Variants in MDGA2 observed in about 807,000 individuals in gnomAD.
The protein encoded by MDGA2 is MAM domain-containing glycosylphosphatidylinositol anchor protein 2.
Under a neutral mutation model 117.8 loss-of-function variants are expected in MDGA2, and 40 were observed. That is an observed-to-expected ratio of 0.34 (90% CI 0.26 to 0.44). The LOEUF (loss-of-function observed/expected upper bound fraction) is 0.44, where lower values mean the gene tolerates loss of function less well. Ranked by LOEUF, MDGA2 falls within the 20% of genes least tolerant of loss-of-function variation. The pLI is 1.00. For synonymous variants in MDGA2, 452 were observed against 439.0 expected, an observed-to-expected ratio of 1.03 and a Z score of -0.37; for missense variants, 1,123 against 1,250.6, an observed-to-expected ratio of 0.90 and a Z score of 1.54.
At chr14:47,614,435 T>C (rs4900788) in intron 1 of MDGA2, among the ~76,000 whole-genome samples, 104,887 of 151,966 alleles carry the variant, frequency 0.69, 36,833 homozygotes, top group East Asian at 1. Context: ...ATGCATTTCA[T>C]TCAGTTTTAT....
chr14:46,858,389 A>T (rs189584198), intron 14 of MDGA2, among the ~76,000 whole-genome samples: 12 of 146,004 alleles, frequency 8.2e-5, no homozygotes, highest in Non-Finnish European at 9.1e-5. Context: ...GAACACATTT[A>T]TAATACTTTT....
At chr14:47,615,610 CAGTT>C (rs1440021332) in intron 1 of MDGA2, among the ~76,000 whole-genome samples, 1 of 152,126 alleles carries the variant, frequency 6.6e-6, no homozygotes, top group Non-Finnish European at 1.5e-5. Flanking sequence ...TGAATTAGGT[CAGTT>C]AGACAGAGGA....
rs10536485 is a variant in MDGA2 at position 47,342,256 on chromosome 14, TTATATATA to T, written c.281-40714_281-40707del. The stretch of plus-strand genomic sequence containing the variant: ...AAAATTTATGTCCAGCACAAAATGT[TTATATATA>T]TATATATATATATATATAAAATATG... On this transcript the variant is annotated intron_variant, in intron 1 of 16. Transcript: ENST00000399232. 3.6e-3 allele frequency among the ~76,000 whole-genome samples: 489 copies of T among 134,062 alleles called. 2 individuals are homozygous for T. Among genetic ancestry groups the T allele is most frequent in the Admixed American group, 5.2e-3 (72 of 13,828 alleles). The allele number at this position is 134,062 out of a possible 152,430, so 87.9% of individuals were successfully genotyped here. A position where few individuals can be genotyped will look rare whatever the true frequency, so the allele number is the denominator to read the frequency against.
intron 3 of MDGA2, among the ~76,000 whole-genome samples, chr14:47,199,641 A>G (rs1253672055): frequency 6.6e-6 from 1 of 152,174 alleles, no homozygotes; most frequent in Non-Finnish European, 1.5e-5. Flanking sequence ...TATCATACTC[A>G]AAGAAAAACA....
intron 3 of MDGA2, among the ~76,000 whole-genome samples, chr14:47,210,577 G>GT (rs920582581): frequency 3.3e-5 from 5 of 151,758 alleles, no homozygotes; most frequent in Non-Finnish European, 5.9e-5. Flanking sequence ...CTATGAAACC[G>GT]TTTTTTTTCC....
intron 10 of MDGA2, among the ~76,000 whole-genome samples, chr14:46,887,836 C>A (rs926168572): frequency 6.6e-6 from 1 of 151,766 alleles, no homozygotes; most frequent in Admixed American, 6.6e-5. Context: ...AATTTAAACA[C>A]ACAAAAATAT....
At chr14:47,426,606 A>T (rs1892694864) in intron 1 of MDGA2, among the ~76,000 whole-genome samples, 1 of 150,858 alleles carries the variant, frequency 6.6e-6, no homozygotes, top group Non-Finnish European at 1.5e-5. Flanking sequence ...ATGCAGATTA[A>T]TATTTTGTAA....
chr14:47,388,337 G>C (rs1891807151), intron 1 of MDGA2, among the ~76,000 whole-genome samples: 1 of 151,986 alleles, frequency 6.6e-6, no homozygotes, highest in African/African-American at 2.4e-5. Flanking sequence ...GAAGTAAACT[G>C]AATCCTCGGA....
At chr14:47,674,309 G>A (rs764513881) in intron 1 of MDGA2, among the ~76,000 whole-genome samples, 15 of 152,188 alleles carry the variant, frequency 9.9e-5, no homozygotes, top group Admixed American at 5.2e-4. Flanking sequence ...ACCCAACTCC[G>A]AGCCAGAGCC....
At chr14:46,904,341 G>C (rs1052374951) in intron 10 of MDGA2, among the ~76,000 whole-genome samples, 6 of 146,760 alleles carry the variant, frequency 4.1e-5, no homozygotes, top group African/African-American at 1.5e-4. Flanking sequence ...CTGTGAGAGA[G>C]AGGGAGACTC....
At chr14:47,038,949 C>CAA (rs57534737) in intron 7 of MDGA2, among the ~76,000 whole-genome samples, 8 of 112,824 alleles carry the variant, frequency 7.1e-5, no homozygotes, top group African/African-American at 2.3e-4. Flanking sequence ...GACTCCATCT[C>CAA]AAAAAAAAAA....
At chr14:46,926,407 A>G (rs1390477613) in intron 9 of MDGA2, among the ~76,000 whole-genome samples, 1 of 140,256 alleles carries the variant, frequency 7.1e-6, no homozygotes, top group Non-Finnish European at 1.5e-5. Context: ...TTAAACGCCA[A>G]TGATGCACTG....
intron 3 of MDGA2, among the ~76,000 whole-genome samples, chr14:47,167,682 A>C (rs1011927784): frequency 6.6e-6 from 1 of 152,192 alleles, no homozygotes; most frequent in Non-Finnish European, 1.5e-5. Flanking sequence ...TACACATGGA[A>C]AACATCTCAG....
At chr14:46,875,348 G>T (rs1309215161) in intron 12 of MDGA2, among the ~76,000 whole-genome samples, 2 of 151,510 alleles carry the variant, frequency 1.3e-5, no homozygotes, top group Non-Finnish European at 3.0e-5. Flanking sequence ...AAAACAGAAG[G>T]CTTTTCCTTT....
intron 1 of MDGA2, among the ~76,000 whole-genome samples, chr14:47,458,717 G>T (rs948938558): frequency 6.6e-6 from 1 of 152,050 alleles, no homozygotes; most frequent in Admixed American, 6.6e-5. Context: ...CAGCTAGGTT[G>T]TGGTAATTAT....
chr14:47,098,621 T>C (rs1194059351), intron 5 of MDGA2, among the ~76,000 whole-genome samples: 5 of 151,894 alleles, frequency 3.3e-5, no homozygotes, highest in Non-Finnish European at 7.4e-5. Flanking sequence ...TACTTAATTA[T>C]TAATATATCA....
chr14:46,864,550 T>TTTTTG (rs1219019900), intron 14 of MDGA2, among the ~76,000 whole-genome samples: 4 of 34,920 alleles, frequency 1.1e-4, no homozygotes, highest in African/African-American at 8.0e-4. Context: ...TTGCTGTTTT[T>TTTTTG]TTTTTTTTTT....
intron 1 of MDGA2, among the ~76,000 whole-genome samples, chr14:47,629,638 G>C (rs1897217277): frequency 6.6e-6 from 1 of 152,128 alleles, no homozygotes; most frequent in South Asian, 2.1e-4. Flanking sequence ...TTAAAATAAA[G>C]GAATTATTAT....
At chr14:47,253,587 G>A (rs1887517926) in intron 2 of MDGA2, among the ~76,000 whole-genome samples, 1 of 152,238 alleles carries the variant, frequency 6.6e-6, no homozygotes, top group African/African-American at 2.4e-5. Flanking sequence ...AGCCCTTGTG[G>A]CTTTGCAGGG....
Sources: allele counts gnomAD v4.1 joint callset (sites outside exome capture counted in the v4.1 genomes callset), GRCh38; gene constraint gnomAD v4.1.1; transcripts MANE v1.5; gene names NCBI Gene and HGNC (gene_info 2026-07-23, HGNC 2026-07-21).